OPCML: variants seen among roughly 807,000 people sequenced by gnomAD.
OPCML encodes opioid binding protein/cell adhesion molecule like.
Under a neutral mutation model 37.8 loss-of-function variants are expected in OPCML, and 13 were observed. That is an observed-to-expected ratio of 0.34 (90% CI 0.22 to 0.55). The LOEUF is 0.55. Ranked by LOEUF, OPCML falls within the 20% of genes least tolerant of loss-of-function variation. The pLI is 0.91. For missense variants in OPCML, 341 were observed against 435.6 expected (o/e 0.78, Z 1.93); for synonymous variants, 176 against 168.8 (o/e 1.04, Z -0.33).
At chr11:133,314,007 G>A (rs552630356) in intron 1 of OPCML, among the ~76,000 whole-genome samples, 19 of 151,928 alleles carry the variant, frequency 1.3e-4, no homozygotes, top group South Asian at 6.2e-4. Context: ...AGGCCGAGGC[G>A]GGCGGATCAC....
intron 2 of OPCML, among the ~76,000 whole-genome samples, chr11:132,904,691 G>T (rs1475128348): frequency 6.6e-6 from 1 of 152,208 alleles, no homozygotes; most frequent in Non-Finnish European, 1.5e-5. Flanking sequence ...TATCGCAGAA[G>T]CCTGCAGATG....
chr11:132,603,115 C>A (rs1938037745), intron 3 of OPCML, among the ~76,000 whole-genome samples: 1 of 152,142 alleles, frequency 6.6e-6, no homozygotes, highest in South Asian at 2.1e-4. Flanking sequence ...ATCTGGGTGC[C>A]TGAGAAATGT....
At chr11:133,440,761 A>G (rs1052082293) in intron 1 of OPCML, among the ~76,000 whole-genome samples, 1 of 119,540 alleles carries the variant, frequency 8.4e-6, no homozygotes, top group African/African-American at 5.4e-5. Context: ...ACCTACAGCA[A>G]TTATATATAT....
intron 1 of OPCML, among the ~76,000 whole-genome samples, chr11:133,109,043 C>G (rs79938817): frequency 0.063 from 9,550 of 152,200 alleles, 993 homozygotes; most frequent in African/African-American, 0.22. Flanking sequence ...AATGTCTTTA[C>G]TGGGTTTCCT....
At chr11:132,637,315 G>A (rs1218393523) in intron 3 of OPCML, among the ~76,000 whole-genome samples, 1 of 151,836 alleles carries the variant, frequency 6.6e-6, no homozygotes, top group African/African-American at 2.4e-5. Context: ...ACTGAGACCA[G>A]ACCACCCCCA....
At chr11:133,415,906 C>A (rs2136880474) in intron 1 of OPCML, among the ~76,000 whole-genome samples, 1 of 152,232 alleles carries the variant, frequency 6.6e-6, no homozygotes, top group Non-Finnish European at 1.5e-5. Context: ...TGCCAACTGG[C>A]AAATGAAACA....
intron 1 of OPCML, among the ~76,000 whole-genome samples, chr11:133,417,249 T>G (rs58228666): frequency 1.3e-5 from 2 of 152,156 alleles, no homozygotes; most frequent in Non-Finnish European, 2.9e-5. Flanking sequence ...TTCATAGAAG[T>G]GCAGGTCAAA....
chr11:133,417,375 A>AT (rs1160677258), intron 1 of OPCML, among the ~76,000 whole-genome samples: 1 of 152,170 alleles, frequency 6.6e-6, no homozygotes, highest in Non-Finnish European at 1.5e-5. Context: ...CATTATCTGC[A>AT]TTTTTTCAGA....
chr11:133,021,523 T>A (rs887802445), intron 1 of OPCML, among the ~76,000 whole-genome samples: 1 of 152,220 alleles, frequency 6.6e-6, no homozygotes. Flanking sequence ...CTTTGCTGCA[T>A]CAGCTGGAGA....
chr11:132,562,202 G>A (rs2096412205), intron 3 of OPCML, among the ~76,000 whole-genome samples: 1 of 152,128 alleles, frequency 6.6e-6, no homozygotes, highest in South Asian at 2.1e-4. Context: ...AAGAACTGAG[G>A]CACTAGAAAC....
intron 1 of OPCML, among the ~76,000 whole-genome samples, chr11:133,527,852 T>C (rs1441766714): frequency 2.0e-5 from 3 of 152,288 alleles, no homozygotes; most frequent in Non-Finnish European, 4.4e-5. Context: ...GCTTTCAGCA[T>C]ACTTAGAGGT....
At chr11:132,449,516 T>A (rs538731664) in intron 4 of OPCML, among the ~76,000 whole-genome samples, 4 of 152,258 alleles carry the variant, frequency 2.6e-5, no homozygotes, top group African/African-American at 9.6e-5. Context: ...AAATATCCCT[T>A]CTTAGTTACA....
At chr11:132,915,035 T>C (rs1944559858) in intron 2 of OPCML, among the ~76,000 whole-genome samples, 1 of 152,248 alleles carries the variant, frequency 6.6e-6, no homozygotes, top group Admixed American at 6.5e-5. Context: ...TTACCCTTAT[T>C]TTCCTTTTCT....
At chr11:132,648,253 CCTT>C (rs1941254747) in intron 3 of OPCML, among the ~76,000 whole-genome samples, 1 of 152,120 alleles carries the variant, frequency 6.6e-6, no homozygotes, top group Non-Finnish European at 1.5e-5. Context: ...ACTAATTTGT[CCTT>C]CTTCTGAGGT....
At chr11:133,405,637 C>T (rs1945509134) in intron 1 of OPCML, among the ~76,000 whole-genome samples, 1 of 152,142 alleles carries the variant, frequency 6.6e-6, no homozygotes, top group Non-Finnish European at 1.5e-5. Context: ...CGTGATCTGG[C>T]TCTAGCGCTG....
At chr11:133,163,118 G>A (rs1454301507) in intron 1 of OPCML, among the ~76,000 whole-genome samples, 1 of 152,192 alleles carries the variant, frequency 6.6e-6, no homozygotes, top group Admixed American at 6.5e-5. Flanking sequence ...ATTTATTTGT[G>A]TGCCAGGTCT....
At chr11:133,267,758 C>T (rs1040908813) in intron 1 of OPCML, among the ~76,000 whole-genome samples, 1 of 152,036 alleles carries the variant, frequency 6.6e-6, no homozygotes, top group African/African-American at 2.4e-5. Flanking sequence ...CTTTCCCGTG[C>T]TGTTCTCGAG....
In OPCML at chr11:132,884,977, T is replaced by G. The variant is rs138541451; in HGVS notation, c.146+57949A>C. Among the ~76,000 whole-genome samples the G allele has an allele frequency of 4.5e-4, 69 of 152,224 alleles. No homozygotes were observed. In the East Asian group the frequency reaches 0.012, roughly 27 times the overall value. ...TGGAAGGAGAGGAATTAGAGCCGAG[T>G]CCAAGCTGTGCAGCTCTCTGGCTGA... On this transcript the variant is annotated intron_variant, in intron 2 of 7. Transcript: ENST00000524381.
intron 1 of OPCML, among the ~76,000 whole-genome samples, chr11:133,194,057 T>C (rs1938432236): frequency 6.6e-6 from 1 of 152,172 alleles, no homozygotes; most frequent in African/African-American, 2.4e-5. Flanking sequence ...TTTTGTTCAT[T>C]TTTTGAGAAA....
Sources: allele counts gnomAD v4.1 joint callset (sites outside exome capture counted in the v4.1 genomes callset), GRCh38; gene constraint gnomAD v4.1.1; transcripts MANE v1.5; gene names NCBI Gene and HGNC (gene_info 2026-07-23, HGNC 2026-07-21).